LRMDA: variants seen among roughly 807,000 people sequenced by gnomAD.
The protein encoded by LRMDA is leucine rich melanocyte differentiation associated, also known as leucine-rich melanocyte differentiation-associated protein.
LRMDA carries 18 observed loss-of-function variants against 29.8 expected under a neutral mutation model. That is an observed-to-expected ratio of 0.60 (90% confidence interval 0.42 to 0.90). LRMDA has a LOEUF of 0.90. Ranked by LOEUF, LRMDA falls within the 40% of genes least tolerant of loss-of-function variation. The probability of loss-of-function intolerance (pLI) is 0.00; values close to 1 mark genes in which losing one functional copy is unlikely to be tolerated. For missense variants in LRMDA, 273 were observed against 273.9 expected, an observed-to-expected ratio of 1.00 and a Z score of 0.02; for synonymous variants, 125 against 109.4, an observed-to-expected ratio of 1.14 and a Z score of -0.89.
intron 5 of LRMDA, among the ~76,000 whole-genome samples, chr10:76,243,982 G>C (rs868484507): frequency 2.6e-5 from 4 of 152,188 alleles, no homozygotes; most frequent in African/African-American, 9.7e-5. Context: ...ACCCAGAGGA[G>C]AGATTAATGG....
chr10:76,434,073 C>G lies in LRMDA; in HGVS notation c.601+109588C>G, dbSNP rs141822168. On this transcript the variant is annotated intron_variant, in intron 6 of 6. Transcript: ENST00000611255. ...CATTAAAATCCAAAAGGGTTAGTAA[C>G]AGAAGAATAAAAAATATAATTCGTT... 4.2e-3 allele frequency among the ~76,000 whole-genome samples: 646 copies of G among 152,264 alleles called. 3 individuals are homozygous for G. Among genetic ancestry groups the G allele is most frequent in the African/African-American group, 0.014 (602 of 41,550 alleles).
At chr10:76,162,843 CTTG>C (rs1417716305) in intron 5 of LRMDA, among the ~76,000 whole-genome samples, 1 of 151,966 alleles carries the variant, frequency 6.6e-6, no homozygotes, top group Non-Finnish European at 1.5e-5. Flanking sequence ...CACTACCTAC[CTTG>C]TTGTGTTGTT....
intron 2 of LRMDA, among the ~76,000 whole-genome samples, chr10:75,791,283 C>T (rs946765855): frequency 6.6e-6 from 1 of 152,130 alleles, no homozygotes; most frequent in Non-Finnish European, 1.5e-5. Context: ...ATTGTTAATT[C>T]CACCCCCTTG....
At position 75,714,835 on chromosome 10, in the gene LRMDA, TTCCC is replaced by T. The variant is rs58796439; in HGVS notation, c.131+276363_131+276366del. Among the ~76,000 whole-genome samples, 313 of 125,258 alleles carry T rather than the reference TTCCC, an allele frequency of 2.5e-3. 2 individuals carry two copies. The highest frequency in any genetic ancestry group is 4.2e-3 in the Non-Finnish European group (267 of 63,580). The allele number at this position is 125,258 out of a possible 152,430, so 82.2% of individuals were successfully genotyped here. On this transcript the variant is annotated intron_variant, in intron 2 of 6. Transcript: ENST00000611255. ...CCTCCTTCTTTCCCTTCCTCCTTCT[TTCCC>T]TCCCTCCCTCCCTCCCTCCCTTCCT...
At chr10:75,727,506 T>C (rs1459432225) in intron 2 of LRMDA, among the ~76,000 whole-genome samples, 1 of 152,252 alleles carries the variant, frequency 6.6e-6, no homozygotes, top group Non-Finnish European at 1.5e-5. Context: ...TGCAGTAAGA[T>C]ATGCATATGC....
intron 5 of LRMDA, among the ~76,000 whole-genome samples, chr10:76,178,875 G>A (rs746896396): frequency 1.3e-5 from 2 of 152,184 alleles, no homozygotes; most frequent in Non-Finnish European, 2.9e-5. Context: ...CCAGCTCTGT[G>A]TGATCGTTTC....
rs1037003432 is a variant in LRMDA at position 75,668,580 on chromosome 10, G to A, written c.131+230086G>A. 3.3e-5 allele frequency among the ~76,000 whole-genome samples: 5 copies of A among 152,064 alleles called. No individual in the cohort carries two copies. In the East Asian group the frequency reaches 9.6e-4, roughly 29 times the overall value. ...TGTCGGCTTTGTTTTCTCCTTTCAT[G>A]GATATATCACAAGCCCCCAGAGCAC... On this transcript the variant is annotated intron_variant, in intron 2 of 6. Coordinates refer to ENST00000611255, the MANE Select transcript of LRMDA (RefSeq NM_001305581.2).
intron 6 of LRMDA, among the ~76,000 whole-genome samples, chr10:76,325,373 G>A (rs944235504): frequency 3.9e-5 from 6 of 152,208 alleles, no homozygotes; most frequent in Non-Finnish European, 7.3e-5. Context: ...TGTGTTGCCT[G>A]TTTGGTGTTT....
At chr10:75,858,173 C>T (rs1844859414) in intron 2 of LRMDA, among the ~76,000 whole-genome samples, 1 of 152,128 alleles carries the variant, frequency 6.6e-6, no homozygotes, top group Non-Finnish European at 1.5e-5. Flanking sequence ...ACCAGCAGTG[C>T]CCTGGCCCCT....
In LRMDA at chr10:76,363,176, A is replaced by AGAG. The variant is rs1459442138; in HGVS notation, c.601+38692_601+38693insAGG. Among the ~76,000 whole-genome samples the AGAG allele has an allele frequency of 6.8e-3, 148 of 21,798 alleles. 13 individuals are homozygous for AGAG. Among genetic ancestry groups the AGAG allele is most frequent in the Middle Eastern group, 0.024 (1 of 42 alleles). 14.3% of individuals were successfully genotyped at this position (21,798 alleles called of 152,430 possible). A position where few individuals can be genotyped will look rare whatever the true frequency, so the allele number is the denominator to read the frequency against. ...AAGAAAGAAAGAAAGAAAGAAAGAA[A>AGAG]GGAGGGAGGGAGGGAGGGAGGGAGG... On this transcript the variant is annotated intron_variant, in intron 6 of 6. Coordinates refer to ENST00000611255, the MANE Select transcript of LRMDA (RefSeq NM_001305581.2).
chr10:75,851,844 G>A (rs564825780), intron 2 of LRMDA, among the ~76,000 whole-genome samples: 12 of 152,332 alleles, frequency 7.9e-5, no homozygotes, highest in Admixed American at 6.5e-4. Flanking sequence ...AGCTGAAGGA[G>A]TACGGCTGCC....
intron 6 of LRMDA, among the ~76,000 whole-genome samples, chr10:76,554,858 C>A (rs1176168911): frequency 3.6e-5 from 4 of 110,104 alleles, no homozygotes; most frequent in African/African-American, 1.2e-4. Context: ...AGAGAGGGCA[C>A]TCATGGTGGG....
chr10:75,522,737 A>G (rs1281862185), intron 2 of LRMDA, among the ~76,000 whole-genome samples: 1 of 152,196 alleles, frequency 6.6e-6, no homozygotes, highest in African/African-American at 2.4e-5. Context: ...TCATTTACTA[A>G]ACACTACCTG....
chr10:76,234,559 T>C lies in LRMDA; in HGVS notation c.517-89842T>C, dbSNP rs575091284. On this transcript the variant is annotated intron_variant, in intron 5 of 6. Transcript: ENST00000611255. ...TATAAAAGCCCCAAATGGCATCTTC[T>C]TCCCATGTAAGGCTGTTTTGTCTAC... Among the ~76,000 whole-genome samples the C allele has an allele frequency of 3.3e-5, 5 of 152,344 alleles. No individual in the cohort carries two copies. The East Asian group carries it at 9.7e-4, about 29-fold the overall frequency.
At position 75,470,409 on chromosome 10, in the gene LRMDA, A is replaced by G. The variant is rs183682226; in HGVS notation, c.131+31915A>G. Among the ~76,000 whole-genome samples, 7 of 152,342 alleles carry G rather than the reference A, an allele frequency of 4.6e-5. No homozygotes were observed. In the South Asian group the frequency reaches 8.3e-4, roughly 18 times the overall value. ...CTACTGGAGAGGCTGATGCATGAGAATCACTTGAACCCAGGAGGTGGAGGT... is the reference window on the plus strand; with the variant it reads ...CTACTGGAGAGGCTGATGCATGAGAGTCACTTGAACCCAGGAGGTGGAGGT... On this transcript the variant is annotated intron_variant, in intron 2 of 6. Coordinates refer to ENST00000611255, the MANE Select transcript of LRMDA (RefSeq NM_001305581.2).
intron 5 of LRMDA, among the ~76,000 whole-genome samples, chr10:76,131,020 A>G (rs995388039): frequency 2.6e-5 from 4 of 152,016 alleles, no homozygotes; most frequent in Non-Finnish European, 5.9e-5. Context: ...CATGATTTTG[A>G]TTATGTATTT....
At chr10:75,936,045 G>A (rs1232395185) in intron 2 of LRMDA, among the ~76,000 whole-genome samples, 2 of 152,048 alleles carry the variant, frequency 1.3e-5, no homozygotes, top group African/African-American at 4.8e-5. Flanking sequence ...TTATAAGTGA[G>A]AGGCAGTGAG....
chr10:75,618,380 C>CTATA lies in LRMDA; in HGVS notation c.131+179887_131+179888insATAT, dbSNP rs1471312612. 3.8e-3 allele frequency among the ~76,000 whole-genome samples: 208 copies of CTATA among 55,254 alleles called. 2 individuals are homozygous for CTATA. The highest frequency in any genetic ancestry group is 0.012 in the African/African-American group (198 of 16,802). 36.2% of individuals were successfully genotyped at this position (55,254 alleles called of 152,430 possible). A position where few individuals can be genotyped will look rare whatever the true frequency, so the allele number is the denominator to read the frequency against. On this transcript the variant is annotated intron_variant, in intron 2 of 6. Transcript: ENST00000611255. ...ACTCTCTCTCTCTCTCTCTCTCTCT[C>CTATA]TCTATATATATATATATATATATAT...
intron 2 of LRMDA, among the ~76,000 whole-genome samples, chr10:75,802,954 GTATA>G (rs1172110612): frequency 1.6e-4 from 20 of 127,556 alleles, no homozygotes; most frequent in South Asian, 7.6e-4. Flanking sequence ...GTGTGTGTGT[GTATA>G]TATATATATA....
Sources: gnomAD v4.1 joint callset for allele counts (sites outside exome capture counted in the v4.1 genomes callset) on GRCh38, gnomAD v4.1.1 for gene constraint, MANE v1.5 for transcripts, NCBI Gene and HGNC (gene_info 2026-07-23, HGNC 2026-07-21) for gene names.